C1orf105: variants seen among roughly 807,000 people sequenced by gnomAD.
C1orf105 encodes the protein uncharacterized protein C1orf105.
Under a neutral mutation model 20.8 loss-of-function variants are expected in C1orf105, and 17 were observed. The ratio of observed to expected loss-of-function variants is 0.82; its 90% CI spans 0.56 to 1.23. The LOEUF is 1.23. C1orf105 is among the 50% of genes most tolerant of loss of function. The probability of loss-of-function intolerance (pLI) is 0.00; values close to 1 mark genes in which losing one functional copy is unlikely to be tolerated. For synonymous variants in C1orf105, 72 were observed against 72.1 expected (o/e 1.00, Z 0.01); for missense variants, 219 against 213.5 (o/e 1.03, Z -0.16).
intron 1 of C1orf105, among the ~76,000 whole-genome samples, chr1:172,433,327 G>GA (rs1216275116): frequency 6.6e-6 from 1 of 152,136 alleles, no homozygotes; most frequent in Non-Finnish European, 1.5e-5. Context: ...TGACATGAAG[G>GA]AAAAAATGTT....
chr1:172,438,911 T>G (rs1358243835), intron 1 of C1orf105, among the ~76,000 whole-genome samples: 1 of 152,240 alleles, frequency 6.6e-6, no homozygotes, highest in Non-Finnish European at 1.5e-5. Flanking sequence ...AGATTCTGAT[T>G]CACAGAAGGC....
In C1orf105 at chr1:172,465,320, A is replaced by G; in HGVS notation, c.363A>G (p.Lys121=). Residue 121 remains lysine, a synonymous_variant, in exon 6 of 7, where the codon AAA becomes AAG. Coordinates refer to ENST00000367727, the MANE Select transcript of C1orf105 (RefSeq NM_139240.4). ...TCAGAATGAGTCTTCATCAACCCAA[A>G]TTCCAGACTACACCTGAGCCTTTCC... The part of the protein sequence containing the change: ...MSYRMSLHQP[K]FQTTPEPFHD... The G allele has an allele frequency of 6.2e-7, 1 of 1,613,304 alleles. No individual in the cohort carries two copies. Among genetic ancestry groups the G allele is most frequent in the East Asian group, 2.2e-5 (1 of 44,868 alleles).
rs186385768 is a variant in C1orf105 at position 172,448,340 on chromosome 1, G to T, written c.108-101G>T. On this transcript the variant is annotated intron_variant, in intron 2 of 6. Transcript: ENST00000367727. ...TGCTCCAGAACTGGAGTGGAAGATA[G>T]CTCCCTGTGGTGTCCCTTGTATTCT... The T allele has an allele frequency of 1.5e-5, 11 of 754,392 alleles. No homozygotes were observed. The Admixed American group carries it at 2.5e-4, about 17-fold the overall frequency. The allele number at this position is 754,392 out of a possible 1,614,324, so 46.7% of individuals were successfully genotyped here. A position where few individuals can be genotyped will look rare whatever the true frequency, so the allele number is the denominator to read the frequency against.
chr1:172,445,626 TA>T (rs1165457329), intron 2 of C1orf105, among the ~76,000 whole-genome samples: 8 of 152,298 alleles, frequency 5.3e-5, no homozygotes, highest in African/African-American at 1.7e-4. Context: ...ATATGACACA[TA>T]AATCTATTTT....
At chr1:172,454,401 T>C (rs1649004181) in intron 3 of C1orf105, among the ~76,000 whole-genome samples, 1 of 151,730 alleles carries the variant, frequency 6.6e-6, no homozygotes, top group African/African-American at 2.4e-5. Context: ...ACCTCAAAGA[T>C]GTGAGGGATG....
intron 1 of C1orf105, among the ~76,000 whole-genome samples, chr1:172,427,288 A>C (rs2071747870): frequency 6.6e-6 from 1 of 152,126 alleles, no homozygotes; most frequent in Admixed American, 6.5e-5. Flanking sequence ...TAGATCAACC[A>C]TCCCTGCCCT....
chr1:172,431,173 G>C (rs543570436), intron 1 of C1orf105: 6 of 454,582 alleles, frequency 1.3e-5, no homozygotes, highest in Admixed American at 3.8e-5. Context: ...AAGTAGAAAT[G>C]ATTAAGCTTA....
chr1:172,426,204 T>G (rs896589728), intron 1 of C1orf105, among the ~76,000 whole-genome samples: 3 of 152,180 alleles, frequency 2.0e-5, no homozygotes, highest in African/African-American at 7.2e-5. Flanking sequence ...CTGCCTCCCC[T>G]GCATCCTTTT....
chr1:172,460,804 T>C (rs1007103925), intron 4 of C1orf105, among the ~76,000 whole-genome samples: 7 of 152,172 alleles, frequency 4.6e-5, no homozygotes, highest in African/African-American at 1.7e-4. Flanking sequence ...GAAGTCTTCC[T>C]TGAAGAAAAA....
At chr1:172,467,862 C>T (rs1650172864) in intron 6 of C1orf105, among the ~76,000 whole-genome samples, 1 of 152,084 alleles carries the variant, frequency 6.6e-6, no homozygotes, top group African/African-American at 2.4e-5. Context: ...GAATATTAAC[C>T]AACTTTTAAT....
chr1:172,445,254 T>C, intron 2 of C1orf105, 96 bp downstream of exon 2: 1 of 954,706 alleles, frequency 1.0e-6, no homozygotes, highest in Non-Finnish European at 1.6e-6. Context: ...GAGGGCACAT[T>C]TGATCCATTG....
chr1:172,453,021 A>G (rs979209429), intron 3 of C1orf105: 2 of 1,550,342 alleles, frequency 1.3e-6, no homozygotes, highest in Non-Finnish European at 1.7e-6. Flanking sequence ...AGCAAGACAG[A>G]ATGGAGGAAA....
intron 2 of C1orf105, among the ~76,000 whole-genome samples, chr1:172,448,024 C>G (rs1403422083): frequency 1.3e-5 from 2 of 152,194 alleles, no homozygotes; most frequent in Non-Finnish European, 2.9e-5. Flanking sequence ...TGGGAGGAAA[C>G]AGGTGGATTG....
In C1orf105 at chr1:172,420,976, T is replaced by C. The variant is rs984374668; in HGVS notation, c.21+70T>C. ...TTACCCTGGTAAATGTTTGTATGCC[T>C]TGGAGGCCACATAAACATTGAGGGG... is the stretch of plus-strand genomic sequence containing the variant. On this transcript the variant is annotated intron_variant, in intron 1 of 6. Transcript: ENST00000367727. 4.3e-6 allele frequency: 6 copies of C among 1,402,382 alleles called. No homozygotes were observed. In the Admixed American group the frequency reaches 1.2e-4, roughly 27 times the overall value. 86.9% of individuals were successfully genotyped at this position (1,402,382 alleles called of 1,614,324 possible).
chr1:172,423,212 G>A (rs1335371172), intron 1 of C1orf105, among the ~76,000 whole-genome samples: 1 of 152,186 alleles, frequency 6.6e-6, no homozygotes, highest in Non-Finnish European at 1.5e-5. Flanking sequence ...TCTGACCCAG[G>A]GCAGTCCCAG....
At chr1:172,465,893 G>C (rs2149196225) in intron 6 of C1orf105, among the ~76,000 whole-genome samples, 1 of 152,312 alleles carries the variant, frequency 6.6e-6, no homozygotes, top group South Asian at 2.1e-4. Flanking sequence ...CTAAGTCTCA[G>C]CTTTAGTTAA....
intron 1 of C1orf105, chr1:172,444,243 C>T (rs1390188343): frequency 1.0e-6 from 1 of 985,314 alleles, no homozygotes; most frequent in African/African-American, 1.7e-5. Flanking sequence ...AAATCCCCAG[C>T]AATCCCCTAT....
intron 4 of C1orf105, among the ~76,000 whole-genome samples, chr1:172,459,019 C>T (rs1329686411): frequency 6.6e-6 from 1 of 152,068 alleles, no homozygotes; most frequent in African/African-American, 2.4e-5. Context: ...GTACCTCTTC[C>T]TCACACCATG....
intron 1 of C1orf105, among the ~76,000 whole-genome samples, chr1:172,425,503 C>A (rs1022864101): frequency 1.3e-5 from 2 of 152,082 alleles, no homozygotes; most frequent in African/African-American, 4.8e-5. Flanking sequence ...GCCCAACAAG[C>A]CTTCAGCTGT....
Sources: gnomAD v4.1 joint callset for allele counts (sites outside exome capture counted in the v4.1 genomes callset) on GRCh38, gnomAD v4.1.1 for gene constraint, MANE v1.5 for transcripts, NCBI Gene and HGNC (gene_info 2026-07-23, HGNC 2026-07-21) for gene names.